ABCG2: variants seen among roughly 807,000 people sequenced by gnomAD.
ABCG2 encodes the protein broad substrate specificity ATP-binding cassette transporter ABCG2.
In ABCG2, 80 loss-of-function variants were observed where a neutral mutation model predicts 73.5. The observed-to-expected ratio is 1.09, with a 90% CI of 0.91 to 1.31. The LOEUF (loss-of-function observed/expected upper bound fraction) is 1.31. Among genes scored for constraint, ABCG2 ranks in the 50% most tolerant of loss-of-function variants. ABCG2 has a pLI of 0.00. For missense variants in ABCG2, 796 were observed against 786.2 expected (o/e 1.01, Z -0.15); for synonymous variants, 269 against 282.4 (o/e 0.95, Z 0.48).
intron 1 of ABCG2, among the ~76,000 whole-genome samples, chr4:88,208,211 C>T (rs907682813): frequency 2.0e-5 from 3 of 152,080 alleles, no homozygotes; most frequent in South Asian, 2.1e-4. Context: ...AGAGATTCAC[C>T]GAAACAATTT....
intron 1 of ABCG2, among the ~76,000 whole-genome samples, chr4:88,145,710 T>TC (rs772998835): frequency 6.6e-6 from 1 of 152,044 alleles, no homozygotes; most frequent in Non-Finnish European, 1.5e-5. Context: ...AAGGCTGAGG[T>TC]GAGCAGATTA....
At chr4:88,224,747 C>T (rs1225263218) in intron 1 of ABCG2, among the ~76,000 whole-genome samples, 1 of 152,136 alleles carries the variant, frequency 6.6e-6, no homozygotes, top group Non-Finnish European at 1.5e-5. Context: ...GTTGCCTGTG[C>T]TTTTGGTGTC....
At chr4:88,209,707 CTTTCTA>C (rs1182340193) in intron 1 of ABCG2, among the ~76,000 whole-genome samples, 1 of 151,812 alleles carries the variant, frequency 6.6e-6, no homozygotes, top group African/African-American at 2.4e-5. Flanking sequence ...GTTCATACCT[CTTTCTA>C]TAAGTAAAAA....
chr4:88,195,478 A>G (rs982290000), intron 1 of ABCG2, among the ~76,000 whole-genome samples: 1 of 152,322 alleles, frequency 6.6e-6, no homozygotes, highest in African/African-American at 2.4e-5. Context: ...AAAATATGTT[A>G]GTAGCGGCCA....
rs548490368 is a variant in ABCG2 at position 88,153,255 on chromosome 4, G to C, written c.-20+5131C>G. ...GGGCATGTATGAGTAGTTGAGAATGGTGAATAGGAGTATGACTAGACAGAA... is the reference window on the plus strand; with the variant it reads ...GGGCATGTATGAGTAGTTGAGAATGCTGAATAGGAGTATGACTAGACAGAA... On this transcript the variant is annotated intron_variant, in intron 1 of 15. Coordinates refer to ENST00000237612, the MANE Select transcript of ABCG2 (RefSeq NM_004827.3). Among the ~76,000 whole-genome samples the C allele has an allele frequency of 6.4e-3, 966 of 152,088 alleles. 12 individuals carry two copies. The highest frequency in any genetic ancestry group is 0.022 in the African/African-American group (915 of 41,464).
At chr4:88,211,363 A>ACCCCCCC (rs34198736) in intron 1 of ABCG2, among the ~76,000 whole-genome samples, 9 of 47,526 alleles carry the variant, frequency 1.9e-4, no homozygotes, top group East Asian at 6.5e-4. Flanking sequence ...CCCCTGCCCC[A>ACCCCCCC]CCCCCCCCCA....
chr4:88,178,658 C>T (rs1221914779), intron 1 of ABCG2, among the ~76,000 whole-genome samples: 2 of 152,208 alleles, frequency 1.3e-5, no homozygotes, highest in East Asian at 3.9e-4. Flanking sequence ...AACAATATTT[C>T]GGGACCTGCC....
chr4:88,216,016 G>A (rs1286997323), intron 1 of ABCG2, among the ~76,000 whole-genome samples: 1 of 152,122 alleles, frequency 6.6e-6, no homozygotes, highest in Admixed American at 6.6e-5. Context: ...CTTTGTTATG[G>A]GGGCTAGCTT....
chr4:88,150,456 C>T (rs867353326), intron 1 of ABCG2, among the ~76,000 whole-genome samples: 2 of 152,120 alleles, frequency 1.3e-5, no homozygotes, highest in African/African-American at 4.8e-5. Context: ...AGCAGGAACT[C>T]GGGTTGTATC....
In ABCG2 at chr4:88,090,496, G is replaced by C. The variant is rs1191728860; in HGVS notation, c.*1738C>G. On this transcript the variant is annotated 3_prime_UTR_variant, in exon 16 of 16. Coordinates refer to ENST00000237612, the MANE Select transcript of ABCG2 (RefSeq NM_004827.3). ...ACATAACCAAGAAAAAAGATAATGT[G>C]TTCCAAGATGACGCATTAATCAAAT... The C allele has an allele frequency of 1.3e-5, 2 of 152,122 alleles. No homozygotes were observed. Among genetic ancestry groups the C allele is most frequent in the Non-Finnish European group, 2.9e-5 (2 of 68,032 alleles). The allele number at this position is 152,122 out of a possible 1,614,324, so 9.4% of individuals were successfully genotyped here. A position where few individuals can be genotyped will look rare whatever the true frequency, so the allele number is the denominator to read the frequency against.
intron 1 of ABCG2, among the ~76,000 whole-genome samples, chr4:88,186,360 G>A (rs1465601246): frequency 7.2e-5 from 11 of 152,188 alleles, no homozygotes; most frequent in Admixed American, 7.2e-4. Flanking sequence ...TAGGGGCCAG[G>A]CGCAGTGGCT....
At chr4:88,195,057 T>C (rs370643187) in intron 1 of ABCG2, among the ~76,000 whole-genome samples, 4 of 152,216 alleles carry the variant, frequency 2.6e-5, no homozygotes, top group African/African-American at 4.8e-5. Flanking sequence ...ATATTCTCTA[T>C]ACTTCTTTTA....
chr4:88,230,513 A>G (rs758903933), intron 1 of ABCG2, among the ~76,000 whole-genome samples: 7 of 151,862 alleles, frequency 4.6e-5, no homozygotes, highest in Non-Finnish European at 8.8e-5. Flanking sequence ...TATATAATCT[A>G]AGGAGAAGCC....
At chr4:88,096,351 A>AC (rs561529477) in intron 13 of ABCG2, among the ~76,000 whole-genome samples, 256 of 152,324 alleles carry the variant, frequency 1.7e-3, no homozygotes, top group African/African-American at 4.0e-3. Context: ...TTCAGACTTG[A>AC]CCTGACCAAG....
At chr4:88,156,811 TAAG>T (rs1408377546) in intron 1 of ABCG2, among the ~76,000 whole-genome samples, 1 of 152,048 alleles carries the variant, frequency 6.6e-6, no homozygotes, top group Non-Finnish European at 1.5e-5. Context: ...TCATAGGTAA[TAAG>T]AAGTATCGGC....
At chr4:88,114,537 G>A (rs2110009196) in intron 8 of ABCG2, among the ~76,000 whole-genome samples, 1 of 151,668 alleles carries the variant, frequency 6.6e-6, no homozygotes. Context: ...TGAGGCAGGA[G>A]AGTGGCTTGA....
At chr4:88,182,003 A>T (rs1466093723) in intron 1 of ABCG2, among the ~76,000 whole-genome samples, 1 of 152,178 alleles carries the variant, frequency 6.6e-6, no homozygotes, top group African/African-American at 2.4e-5. Flanking sequence ...GATTAAAAAA[A>T]CAAAACTCAA....
intron 1 of ABCG2, among the ~76,000 whole-genome samples, chr4:88,170,621 C>A (rs1727721244): frequency 6.6e-6 from 1 of 152,216 alleles, no homozygotes; most frequent in Admixed American, 6.5e-5. Context: ...GCATTCAAAG[C>A]CCCTCTTCTG....
At chr4:88,159,243 C>T (rs1206337989), upstream of ABCG2, 2 of 455,642 alleles carry the variant, frequency 4.4e-6, no homozygotes, top group Admixed American at 2.3e-5. Flanking sequence ...CGTCACTGGC[C>T]GGAGCGCCGA....
Sources: allele counts gnomAD v4.1 joint callset (sites outside exome capture counted in the v4.1 genomes callset), GRCh38; gene constraint gnomAD v4.1.1; transcripts MANE v1.5; gene names NCBI Gene and HGNC (gene_info 2026-07-23, HGNC 2026-07-21).